The following CDC42EP3 variants were observed in gnomAD, a reference collection of about 807,000 sequenced individuals.
CDC42EP3 encodes CDC42 effector protein 3, also known as CDC42 effector protein (Rho GTPase binding) 3.
A neutral mutation model predicts 15.5 loss-of-function variants in CDC42EP3; 4 were observed. The observed-to-expected ratio is 0.26, with a 90% CI of 0.13 to 0.59. The LOEUF is 0.59. CDC42EP3 is among the 20% of genes least tolerant of loss of function. The probability of loss-of-function intolerance (pLI) is 0.89; values close to 1 mark genes in which losing one functional copy is unlikely to be tolerated. For synonymous variants in CDC42EP3, 145 were observed against 130.3 expected (o/e 1.11, Z -0.77); for missense variants, 309 against 311.2 (o/e 0.99, Z 0.05).
At chr2:37,652,932 C>T (rs999887723) in intron 1 of CDC42EP3, among the ~76,000 whole-genome samples, 4 of 152,130 alleles carry the variant, frequency 2.6e-5, no homozygotes, top group African/African-American at 7.2e-5. Context: ...AAAAGACAGA[C>T]AAAGGTTCTT....
In CDC42EP3 at chr2:37,644,192, A is replaced by G; in HGVS notation, c.*1631T>C. 6.6e-6 allele frequency: 1 copy of G among 152,134 alleles called. No homozygotes were observed. Among genetic ancestry groups the G allele is most frequent in the Non-Finnish European group, 1.5e-5 (1 of 68,018 alleles). The allele number at this position is 152,134 out of a possible 1,614,324, so 9.4% of individuals were successfully genotyped here. A position where few individuals can be genotyped will look rare whatever the true frequency, so the allele number is the denominator to read the frequency against. ...ACCTGCAGTCCAAAGGTTATTTTAG[A>G]TGATAGAACTGCAAGAACCCCAAAC... On this transcript the variant is annotated 3_prime_UTR_variant, in exon 2 of 2. Transcript: ENST00000295324.
chr2:37,655,421 G>T (rs1295267131), intron 1 of CDC42EP3, among the ~76,000 whole-genome samples: 1 of 152,176 alleles, frequency 6.6e-6, no homozygotes, highest in African/African-American at 2.4e-5. Flanking sequence ...AGATCTCTTA[G>T]AAGCAAAATT....
In CDC42EP3 at chr2:37,646,127, T is replaced by A. The variant is rs774707549; in HGVS notation, c.461A>T (p.Gln154Leu). 8.1e-6 allele frequency: 13 copies of A among 1,614,108 alleles called. 1 individual carries two copies. In the Admixed American group the frequency reaches 2.2e-4, roughly 27 times the overall value. ...ATTCTCCAACAGACTGCTTTTCTCCTGAGCTTTTTCCTCCATGACGGGCTC... is the reference window on the plus strand; with the variant it reads ...ATTCTCCAACAGACTGCTTTTCTCCAGAGCTTTTTCCTCCATGACGGGCTC... ...SCEPVMEEKA[Q>L]EKSSLLENGT... Residue 154 changes from glutamine to leucine, a missense_variant, in exon 2 of 2, where the codon CAG becomes CTG. Physicochemically the swap from Gln to Leu is moderately radical, Grantham distance 113. Transcript: ENST00000295324.
chr2:37,662,466 T>C (rs570662295), intron 1 of CDC42EP3, among the ~76,000 whole-genome samples: 1 of 152,372 alleles, frequency 6.6e-6, no homozygotes, highest in African/African-American at 2.4e-5. Flanking sequence ...CCTTGGGATC[T>C]GGCCACCTAA....
chr2:37,647,445 G>C (rs190990188), intron 1 of CDC42EP3: 1 of 152,338 alleles, frequency 6.6e-6, no homozygotes, highest in Admixed American at 6.5e-5. Context: ...GTTGTAATCA[G>C]GTTGTGGCAA....
intron 1 of CDC42EP3, among the ~76,000 whole-genome samples, chr2:37,654,578 G>A (rs1247149679): frequency 6.6e-6 from 1 of 152,062 alleles, no homozygotes; most frequent in Non-Finnish European, 1.5e-5. Flanking sequence ...ATGGGATGAA[G>A]CTCTCACAGA....
rs991621820 is a variant in CDC42EP3, at chr2:37,642,937, T to C, written c.*2886A>G. ...ATTTGTGAAGAGCTAAGTATCCTGA[T>C]ATTTTGATCTTTTCAAGCAGATAAT... On this transcript the variant is annotated 3_prime_UTR_variant, in exon 2 of 2. Coordinates refer to ENST00000295324, the MANE Select transcript of CDC42EP3 (RefSeq NM_006449.5). 6.6e-6 allele frequency: 1 copy of C among 152,202 alleles called. No individual in the cohort carries two copies. The highest frequency in any genetic ancestry group is 1.9e-4 in the East Asian group (1 of 5,192). The allele number at this position is 152,202 out of a possible 1,614,324, so 9.4% of individuals were successfully genotyped here.
Position 37,645,128 on chromosome 2 carries a change from G to T in CDC42EP3, c.*695C>A, listed in dbSNP as rs1371784313. On this transcript the variant is annotated 3_prime_UTR_variant, in exon 2 of 2. Coordinates refer to ENST00000295324, the MANE Select transcript of CDC42EP3 (RefSeq NM_006449.5). ...GAAATAAGTGACAACATCTGATGTA[G>T]AATCTATAAAATGTAGACTCTGCAA... The T allele has an allele frequency of 1.3e-5, 2 of 152,466 alleles. No individual in the cohort carries two copies. The highest frequency in any genetic ancestry group is 2.9e-5 in the Non-Finnish European group (2 of 68,024). 9.4% of individuals were successfully genotyped at this position (152,466 alleles called of 1,614,324 possible).
chr2:37,660,287 G>C (rs757847575), intron 1 of CDC42EP3, among the ~76,000 whole-genome samples: 2 of 152,232 alleles, frequency 1.3e-5, no homozygotes, highest in Non-Finnish European at 2.9e-5. Flanking sequence ...CCTGTGGACA[G>C]TCTCCACAGT....
At position 37,645,769 on chromosome 2, in the gene CDC42EP3, G is replaced by C; in HGVS notation, c.*54C>G. Reference sequence around the variant, plus strand: ...GCTCCGGAAGCCCTTCTCTTCAACTGTGGTTAGTTTGTTTTTGTACCTTTT... The same window carrying C: ...GCTCCGGAAGCCCTTCTCTTCAACTCTGGTTAGTTTGTTTTTGTACCTTTT... On this transcript the variant is annotated 3_prime_UTR_variant, in exon 2 of 2. Coordinates refer to ENST00000295324, the MANE Select transcript of CDC42EP3 (RefSeq NM_006449.5). The C allele has an allele frequency of 7.2e-7, 1 of 1,387,844 alleles. No individual in the cohort carries two copies. The highest frequency in any genetic ancestry group is 9.7e-7 in the Non-Finnish European group (1 of 1,029,322). The allele number at this position is 1,387,844 out of a possible 1,614,324, so 86.0% of individuals were successfully genotyped here.
At chr2:37,651,460 G>C (rs962067876) in intron 1 of CDC42EP3, among the ~76,000 whole-genome samples, 1 of 152,168 alleles carries the variant, frequency 6.6e-6, no homozygotes, top group African/African-American at 2.4e-5. Context: ...ACAAACATCA[G>C]GAAAATGTGT....
intron 1 of CDC42EP3, among the ~76,000 whole-genome samples, chr2:37,667,858 C>G (rs879297902): frequency 4.6e-5 from 7 of 152,214 alleles, no homozygotes; most frequent in Non-Finnish European, 7.3e-5. Flanking sequence ...AGTTCAAACC[C>G]TGCTTCTGCT....
chr2:37,652,928 C>T (rs1665735991), intron 1 of CDC42EP3, among the ~76,000 whole-genome samples: 1 of 152,122 alleles, frequency 6.6e-6, no homozygotes, highest in South Asian at 2.1e-4. Context: ...TCTTAAAAGA[C>T]AGACAAAGGT....
Position 37,644,934 on chromosome 2 carries a change from G to A in CDC42EP3, c.*889C>T, listed in dbSNP as rs1003120288. On this transcript the variant is annotated 3_prime_UTR_variant, in exon 2 of 2. Transcript: ENST00000295324. ...CCTATATTTCCAAATAACATATGTG[G>A]TGTAGCCCACAGTCTCTGCAGAAGC... The A allele has an allele frequency of 2.6e-5, 4 of 152,080 alleles. No homozygotes were observed. Among genetic ancestry groups the A allele is most frequent in the Non-Finnish European group, 4.4e-5 (3 of 68,028 alleles). The allele number at this position is 152,080 out of a possible 1,614,324, so 9.4% of individuals were successfully genotyped here.
At chr2:37,646,952 C>T (rs2124609822) in intron 1 of CDC42EP3, 130 bp from the exon 2 acceptor site, 1 of 162,512 alleles carries the variant, frequency 6.2e-6, no homozygotes, top group East Asian at 1.8e-4. Context: ...TGTTTCCCTC[C>T]AGTAAGTGGA....
intron 1 of CDC42EP3, among the ~76,000 whole-genome samples, chr2:37,666,953 A>G (rs1666268710): frequency 6.6e-6 from 1 of 152,078 alleles, no homozygotes; most frequent in African/African-American, 2.4e-5. Context: ...ATGGAATTGG[A>G]CAGCTCCAAG....
chr2:37,658,483 T>G (rs181999470), intron 1 of CDC42EP3, among the ~76,000 whole-genome samples: 2 of 152,266 alleles, frequency 1.3e-5, no homozygotes, highest in African/African-American at 4.8e-5. Context: ...TTGAAAAGCA[T>G]TGATTGGCCT....
chr2:37,671,681 A>AGGGCG (rs916460455), upstream of CDC42EP3: 2 of 149,598 alleles, frequency 1.3e-5, no homozygotes, highest in South Asian at 1.8e-4. Flanking sequence ...GAACCTGCGG[A>AGGGCG]GGGCGGGGCG....
At chr2:37,668,358 G>C (rs1462158153) in intron 1 of CDC42EP3, among the ~76,000 whole-genome samples, 1 of 152,134 alleles carries the variant, frequency 6.6e-6, no homozygotes, top group Non-Finnish European at 1.5e-5. Context: ...TTTTATTGTG[G>C]CTACTCTGGG....
Sources: gnomAD v4.1 joint callset for allele counts (sites outside exome capture counted in the v4.1 genomes callset) on GRCh38, gnomAD v4.1.1 for gene constraint, MANE v1.5 for transcripts, NCBI Gene and HGNC (gene_info 2026-07-23, HGNC 2026-07-21) for gene names.